Variants in PLXDC2 observed in about 807,000 individuals in gnomAD.
The protein encoded by PLXDC2 is plexin domain-containing protein 2.
PLXDC2 carries 40 observed loss-of-function variants against 68.9 expected under a neutral mutation model. The observed-to-expected ratio is 0.58, with a 90% CI of 0.45 to 0.76. PLXDC2 has a LOEUF of 0.76. Among genes scored for constraint, PLXDC2 ranks in the 30% least tolerant of loss-of-function variants. The pLI is 0.00. For synonymous variants in PLXDC2, 243 were observed against 234.2 expected, an observed-to-expected ratio of 1.04 and a Z score of -0.34; for missense variants, 644 against 661.9, an observed-to-expected ratio of 0.97 and a Z score of 0.30.
intron 9 of PLXDC2, among the ~76,000 whole-genome samples, chr10:20,206,882 A>G (rs76187162): frequency 0.094 from 14,183 of 151,482 alleles, 833 homozygotes; most frequent in Non-Finnish European, 0.14. Context: ...ACAGACACAC[A>G]CACACACAGC....
At chr10:19,860,971 T>C (rs1409442743) in intron 1 of PLXDC2, among the ~76,000 whole-genome samples, 2 of 152,032 alleles carry the variant, frequency 1.3e-5, no homozygotes, top group African/African-American at 4.8e-5. Flanking sequence ...CCCAAGACAC[T>C]TAATTACTGC....
In PLXDC2 at chr10:19,869,124, C is replaced by T. The variant is rs531311842; in HGVS notation, c.112+51933C>T. ...AATAACTGTGAAAAGGGGCTTTGTG[C>T]GGTGGCTCATGACTGTAATCCCAGC... On this transcript the variant is annotated intron_variant, in intron 1 of 13. Transcript: ENST00000377252. 7.9e-5 allele frequency among the ~76,000 whole-genome samples: 12 copies of T among 152,062 alleles called. No homozygotes were observed. In the South Asian group the frequency reaches 1.7e-3, roughly 21 times the overall value.
At chr10:20,253,370 GATAATAATAATAATA>G (rs3051539) in intron 13 of PLXDC2, among the ~76,000 whole-genome samples, 1 of 145,576 alleles carries the variant, frequency 6.9e-6, no homozygotes, top group South Asian at 2.2e-4. Flanking sequence ...GTCTCAAAAT[GATAATAATAATAATA>G]ATAATAATAA....
intron 1 of PLXDC2, among the ~76,000 whole-genome samples, chr10:19,832,847 T>C (rs1370024021): frequency 2.0e-5 from 3 of 152,194 alleles, no homozygotes; most frequent in Non-Finnish European, 4.4e-5. Context: ...GATTGTCTTG[T>C]GGTTGCTAAA....
chr10:19,819,308 C>T (rs1207776045), intron 1 of PLXDC2, among the ~76,000 whole-genome samples: 2 of 152,012 alleles, frequency 1.3e-5, no homozygotes, highest in South Asian at 2.1e-4. Context: ...GCCAAATTTT[C>T]GAAGACTTTT....
chr10:20,141,713 C>T (rs76973495), intron 4 of PLXDC2, among the ~76,000 whole-genome samples: 3 of 151,812 alleles, frequency 2.0e-5, no homozygotes, highest in African/African-American at 7.3e-5. Context: ...TGTAATATTG[C>T]ACTTTGAATA....
At chr10:19,994,500 C>T (rs1395453644) in intron 1 of PLXDC2, among the ~76,000 whole-genome samples, 1 of 150,642 alleles carries the variant, frequency 6.6e-6, no homozygotes, top group Non-Finnish European at 1.5e-5. Context: ...AAATGTTTCT[C>T]ACCAAAATTT....
At chr10:19,881,233 A>G (rs1304045428) in intron 1 of PLXDC2, among the ~76,000 whole-genome samples, 1 of 152,094 alleles carries the variant, frequency 6.6e-6, no homozygotes, top group Non-Finnish European at 1.5e-5. Flanking sequence ...CCCCTGCCTC[A>G]GCCTCCTGAG....
At chr10:19,965,873 A>G (rs929764981) in intron 1 of PLXDC2, among the ~76,000 whole-genome samples, 3 of 152,154 alleles carry the variant, frequency 2.0e-5, no homozygotes, top group Non-Finnish European at 4.4e-5. Context: ...TAATTTAATT[A>G]TATCTCAGTA....
chr10:20,230,779 A>T (rs923404970), intron 12 of PLXDC2, among the ~76,000 whole-genome samples: 6 of 150,926 alleles, frequency 4.0e-5, no homozygotes, highest in Admixed American at 1.3e-4. Context: ...AAAAAAAAAA[A>T]TTAAGAAGGA....
At chr10:19,906,728 A>G (rs1833167959) in intron 1 of PLXDC2, among the ~76,000 whole-genome samples, 1 of 152,182 alleles carries the variant, frequency 6.6e-6, no homozygotes, top group South Asian at 2.1e-4. Flanking sequence ...AAAAATACAG[A>G]TAATAAAGAC....
chr10:19,826,425 G>A (rs1183398646), intron 1 of PLXDC2, among the ~76,000 whole-genome samples: 1 of 151,830 alleles, frequency 6.6e-6, no homozygotes, highest in Non-Finnish European at 1.5e-5. Context: ...TTTTTTTCTT[G>A]GTGCTTGTTT....
chr10:20,189,556 C>CACACATAT (rs369119157), intron 9 of PLXDC2, among the ~76,000 whole-genome samples: 1,345 of 124,700 alleles, frequency 0.011, 42 homozygotes, highest in South Asian at 0.061. Context: ...CACACACACA[C>CACACATAT]ATATATATAT....
At chr10:20,189,880 G>T (rs140064105) in intron 9 of PLXDC2, among the ~76,000 whole-genome samples, 1 of 151,592 alleles carries the variant, frequency 6.6e-6, no homozygotes, top group Non-Finnish European at 1.5e-5. Context: ...AATGAGGGAC[G>T]TGGATAAAGA....
chr10:20,007,696 C>A (rs1256454967), intron 2 of PLXDC2, among the ~76,000 whole-genome samples: 3 of 152,232 alleles, frequency 2.0e-5, no homozygotes, highest in Non-Finnish European at 4.4e-5. Context: ...AATGCATATT[C>A]TGATTTCTTA....
At chr10:20,154,771 A>G (rs1834196781) in intron 6 of PLXDC2, among the ~76,000 whole-genome samples, 1 of 152,012 alleles carries the variant, frequency 6.6e-6, no homozygotes, top group African/African-American at 2.4e-5. Context: ...TTTTGTGTCA[A>G]CTGCAAACTC....
chr10:20,279,828 G>A lies in PLXDC2; in HGVS notation c.*9G>A. On this transcript the variant is annotated 3_prime_UTR_variant, in exon 14 of 14. Coordinates refer to ENST00000377252, the MANE Select transcript of PLXDC2 (RefSeq NM_032812.9). Reference sequence around the variant, plus strand: ...TATCAGAGCAGTGCTAAAATTTCTAGGACAGAACAACACCAGTACTGGTTT... The same window carrying A: ...TATCAGAGCAGTGCTAAAATTTCTAAGACAGAACAACACCAGTACTGGTTT... 4 of 1,611,386 alleles carry A rather than the reference G, an allele frequency of 2.5e-6. No individual in the cohort carries two copies. The highest frequency in any genetic ancestry group is 3.4e-6 in the Non-Finnish European group (4 of 1,177,722).
At chr10:19,919,753 G>C (rs1252012628) in intron 1 of PLXDC2, among the ~76,000 whole-genome samples, 1 of 152,030 alleles carries the variant, frequency 6.6e-6, no homozygotes, top group East Asian at 1.9e-4. Context: ...CTTGCCCTTT[G>C]GTCATGGTGT....
chr10:20,250,904 A>G (rs2119346484), intron 13 of PLXDC2, among the ~76,000 whole-genome samples: 1 of 152,232 alleles, frequency 6.6e-6, no homozygotes, highest in South Asian at 2.1e-4. Flanking sequence ...TTTCTTGCAG[A>G]AAATATACAC....
Sources: allele counts gnomAD v4.1 joint callset (sites outside exome capture counted in the v4.1 genomes callset), GRCh38; gene constraint gnomAD v4.1.1; transcripts MANE v1.5; gene names NCBI Gene and HGNC (gene_info 2026-07-23, HGNC 2026-07-21).